The following HTR4 variants were observed in gnomAD, a reference collection of about 807,000 sequenced individuals.
The protein encoded by HTR4 is 5-hydroxytryptamine (serotonin) receptor 4, G protein-coupled.
Under a neutral mutation model 36.8 loss-of-function variants are expected in HTR4, and 16 were observed. The ratio of observed to expected loss-of-function variants is 0.43; its 90% CI spans 0.29 to 0.66. HTR4 has a LOEUF of 0.66. HTR4 is among the 30% of genes least tolerant of loss of function. HTR4 has a pLI of 0.13. For synonymous variants in HTR4, 189 were observed against 185.1 expected (o/e 1.02, Z -0.17); for missense variants, 438 against 490.9 (o/e 0.89, Z 1.02).
At chr5:148,573,189 T>C (rs1760748250) in intron 2 of HTR4, among the ~76,000 whole-genome samples, 1 of 152,052 alleles carries the variant, frequency 6.6e-6, no homozygotes, top group African/African-American at 2.4e-5. Flanking sequence ...TGAAAGGTAC[T>C]TTTCTTCTCA....
chr5:148,516,312 CTTTTTTT>C (rs954784476), intron 5 of HTR4, among the ~76,000 whole-genome samples: 3 of 76,496 alleles, frequency 3.9e-5, no homozygotes, highest in South Asian at 5.1e-4. Context: ...ATTCCCCCCT[CTTTTTTT>C]TTTTTTTTTT....
chr5:148,603,937 T>C (rs907078524), intron 2 of HTR4, among the ~76,000 whole-genome samples: 4 of 152,084 alleles, frequency 2.6e-5, no homozygotes, highest in Admixed American at 1.3e-4. Flanking sequence ...AAAAGACTTT[T>C]CAATGAATGG....
intron 2 of HTR4, among the ~76,000 whole-genome samples, chr5:148,580,565 A>G (rs6580557): frequency 0.24 from 36,507 of 151,988 alleles, 5,767 homozygotes; most frequent in African/African-American, 0.45. Flanking sequence ...TCATTTTATT[A>G]TCTACTTCTA....
At chr5:148,466,520 C>T (rs1374933627) in intron 5 of HTR4, among the ~76,000 whole-genome samples, 1 of 152,102 alleles carries the variant, frequency 6.6e-6, no homozygotes, top group Non-Finnish European at 1.5e-5. Flanking sequence ...TCATTCAGCA[C>T]AGTTAGATAT....
rs185832971 is a variant in HTR4 at position 148,642,644 on chromosome 5, G to A, written c.-47-5583C>T. On this transcript the variant is annotated intron_variant, in intron 1 of 6. Transcript: ENST00000377888. The stretch of plus-strand genomic sequence containing the variant: ...CAGTCTTACAAATTCCATGATGATC[G>A]TGATTTCCTAGTACTCCAAACTCTC... 1.0e-3 allele frequency among the ~76,000 whole-genome samples: 153 copies of A among 152,162 alleles called. 1 individual carries two copies. Among genetic ancestry groups the A allele is most frequent in the African/African-American group, 2.6e-3 (108 of 41,500 alleles).
At chr5:148,615,969 T>C (rs1476188845) in intron 2 of HTR4, among the ~76,000 whole-genome samples, 2 of 152,218 alleles carry the variant, frequency 1.3e-5, no homozygotes, top group Non-Finnish European at 2.9e-5. Flanking sequence ...TTGGTTTCCA[T>C]AAGCTTTCTC....
chr5:148,594,649 C>T (rs1020611813), intron 2 of HTR4, among the ~76,000 whole-genome samples: 2 of 152,054 alleles, frequency 1.3e-5, no homozygotes, highest in East Asian at 1.9e-4. Context: ...CCCGCAACAC[C>T]GAGGTTACAC....
Position 148,503,862 on chromosome 5 carries a change from A to G in HTR4, c.1076+5594T>C, listed in dbSNP as rs143770807. On this transcript the variant is annotated intron_variant, in intron 6 of 6. Transcript: ENST00000377888. ...TGCAATCCTAGTCTCTGATAAAACA[A>G]ACTTTAAACCAACAAAGATCAAAAG... Among the ~76,000 whole-genome samples the G allele has an allele frequency of 5.8e-3, 877 of 152,238 alleles. 7 individuals are homozygous for G. The highest frequency in any genetic ancestry group is 0.02 in the African/African-American group (823 of 41,576).
At chr5:148,653,901 AC>A (rs1436075803) in intron 1 of HTR4, among the ~76,000 whole-genome samples, 160 bp downstream of exon 1, 1 of 151,552 alleles carries the variant, frequency 6.6e-6, no homozygotes, top group Non-Finnish European at 1.5e-5. Context: ...GCCCACCTAC[AC>A]CCTGAGCCGC....
intron 2 of HTR4, among the ~76,000 whole-genome samples, chr5:148,630,689 C>T (rs1267803599): frequency 6.6e-6 from 1 of 151,958 alleles, no homozygotes; most frequent in African/African-American, 2.4e-5. Context: ...AAATATCTAC[C>T]TCTCATGATA....
chr5:148,457,958 T>TC (rs369906239), intron 5 of HTR4, among the ~76,000 whole-genome samples: 59,344 of 133,008 alleles, frequency 0.45, 14,601 homozygotes, highest in Middle Eastern at 0.62. Flanking sequence ...ATTAAATATA[T>TC]ATTAAAATAT....
intron 4 of HTR4, among the ~76,000 whole-genome samples, chr5:148,540,058 A>C (rs1170078047): frequency 6.6e-6 from 1 of 152,066 alleles, no homozygotes; most frequent in Non-Finnish European, 1.5e-5. Context: ...TAACAAAATC[A>C]TGTCTTTTGC....
At chr5:148,497,911 A>G (rs772636839) in intron 6 of HTR4, among the ~76,000 whole-genome samples, 1 of 152,230 alleles carries the variant, frequency 6.6e-6, no homozygotes, top group African/African-American at 2.4e-5. Flanking sequence ...TGTAACCTAT[A>G]TGTCTAGACA....
intron 2 of HTR4, among the ~76,000 whole-genome samples, chr5:148,561,978 C>T (rs1480029996): frequency 6.6e-6 from 1 of 152,182 alleles, no homozygotes; most frequent in Non-Finnish European, 1.5e-5. Flanking sequence ...TTGCTGTTGC[C>T]AAGTACTATG....
rs1013920874 is a variant in HTR4 at position 148,596,447 on chromosome 5, C to T, written c.26+40542G>A. 3.9e-5 allele frequency among the ~76,000 whole-genome samples: 6 copies of T among 152,290 alleles called. No individual in the cohort carries two copies. The East Asian group carries it at 1.2e-3, about 29-fold the overall frequency. On this transcript the variant is annotated intron_variant, in intron 2 of 6. Coordinates refer to ENST00000377888, the MANE Select transcript of HTR4 (RefSeq NM_000870.7). Reference sequence around the variant, plus strand: ...TTCAAAGCTCTCTATTAACTCACCTCAAGCAACTTTTTCATGTATTATCCC... The same window carrying T: ...TTCAAAGCTCTCTATTAACTCACCTTAAGCAACTTTTTCATGTATTATCCC...
chr5:148,651,498 G>A (rs931337149), intron 1 of HTR4, among the ~76,000 whole-genome samples: 8 of 148,728 alleles, frequency 5.4e-5, no homozygotes, highest in East Asian at 4.0e-4. Context: ...CCCACCCCCC[G>A]GACATTTAGC....
chr5:148,619,191 C>T (rs1487721557), intron 2 of HTR4, among the ~76,000 whole-genome samples: 5 of 152,088 alleles, frequency 3.3e-5, no homozygotes, highest in African/African-American at 4.8e-5. Flanking sequence ...TTGTAGGTGG[C>T]CTTGGGACAT....
At chr5:148,596,811 A>G (rs1050945687) in intron 2 of HTR4, among the ~76,000 whole-genome samples, 4 of 152,092 alleles carry the variant, frequency 2.6e-5, no homozygotes, top group Non-Finnish European at 5.9e-5. Context: ...CATATATTTT[A>G]CTGAACATTG....
rs1434509625 is a variant in HTR4 at position 148,483,287 on chromosome 5, T to G, written c.1083A>C (p.Ala361=). The G allele has an allele frequency of 2.0e-5, 33 of 1,612,760 alleles. No homozygotes were observed. Among genetic ancestry groups the G allele is most frequent in the Non-Finnish European group, 2.8e-5 (33 of 1,179,420 alleles). Reference sequence around the variant, plus strand: ...TCTCCCACTGGCCACCACACTCCACTGCATCCCTAGAGAGAGGAGAAGATT... The same window carrying G: ...TCTCCCACTGGCCACCACACTCCACGGCATCCCTAGAGAGAGGAGAAGATT... ...INGSTHVLRD[A]VECGGQWESQ... The change falls in exon 7 of 7, where the codon GCA becomes GCC. Residue 361 remains alanine (A), a synonymous_variant. Transcript: ENST00000377888.
Sources: allele counts gnomAD v4.1 joint callset (sites outside exome capture counted in the v4.1 genomes callset), GRCh38; gene constraint gnomAD v4.1.1; transcripts MANE v1.5; gene names NCBI Gene and HGNC (gene_info 2026-07-23, HGNC 2026-07-21).